The following ZNF385B variants were observed in gnomAD, a reference collection of about 807,000 sequenced individuals.
The protein encoded by ZNF385B is zinc finger protein 385B.
ZNF385B carries 23 observed loss-of-function variants against 39.2 expected under a neutral mutation model. The ratio of observed to expected loss-of-function variants is 0.59; its 90% CI spans 0.42 to 0.83. The LOEUF (loss-of-function observed/expected upper bound fraction) is 0.83, where lower values mean the gene tolerates loss of function less well. Among genes scored for constraint, ZNF385B ranks in the 40% least tolerant of loss-of-function variants. The pLI, the probability that ZNF385B is intolerant of heterozygous loss-of-function variation, is 0.00. For synonymous variants in ZNF385B, 205 were observed against 222.6 expected (o/e 0.92, Z 0.70); for missense variants, 552 against 598.9 (o/e 0.92, Z 0.82).
At chr2:179,452,875 T>C (rs936246732) in intron 6 of ZNF385B, among the ~76,000 whole-genome samples, 5 of 152,160 alleles carry the variant, frequency 3.3e-5, no homozygotes, top group Non-Finnish European at 7.3e-5. Flanking sequence ...CAACTCTGCT[T>C]TGTAGCAGGA....
chr2:179,511,465 G>T (rs373123391), intron 5 of ZNF385B, among the ~76,000 whole-genome samples: 2 of 152,266 alleles, frequency 1.3e-5, no homozygotes, highest in African/African-American at 4.8e-5. Flanking sequence ...ACCGAGGAGG[G>T]CATAACCTAA....
chr2:179,851,269 G>A lies in ZNF385B; in HGVS notation c.-155+9832C>T, dbSNP rs570423017. On this transcript the variant is annotated intron_variant, in intron 1 of 9. Coordinates refer to ENST00000410066, the MANE Select transcript of ZNF385B (RefSeq NM_152520.6). ...AGTTCAAGACCAGCCCGTGCAACGC[G>A]GCAAGACATCACCAGTACATTATTT... Among the ~76,000 whole-genome samples, 3 of 152,272 alleles carry A rather than the reference G, an allele frequency of 2.0e-5. No individual in the cohort carries two copies. In the South Asian group the frequency reaches 6.2e-4, roughly 32 times the overall value.
chr2:179,476,451 G>A (rs956322406), intron 6 of ZNF385B, among the ~76,000 whole-genome samples: 13 of 152,236 alleles, frequency 8.5e-5, no homozygotes, highest in Admixed American at 5.2e-4. Flanking sequence ...GGTTTTTAAT[G>A]TATCCTCAGT....
At chr2:179,824,134 A>G (rs1559227511) in intron 1 of ZNF385B, among the ~76,000 whole-genome samples, 1 of 152,150 alleles carries the variant, frequency 6.6e-6, no homozygotes, top group Non-Finnish European at 1.5e-5. Context: ...TTCCAGCAGG[A>G]AAGTCAGAGC....
At chr2:179,656,194 G>C (rs1222972518) in intron 3 of ZNF385B, among the ~76,000 whole-genome samples, 2 of 152,046 alleles carry the variant, frequency 1.3e-5, no homozygotes, top group African/African-American at 4.8e-5. Context: ...GATGTAAAAA[G>C]ATGCAACAAA....
At chr2:179,470,014 G>A (rs1213776997) in intron 6 of ZNF385B, among the ~76,000 whole-genome samples, 3 of 152,136 alleles carry the variant, frequency 2.0e-5, no homozygotes, top group Admixed American at 6.6e-5. Context: ...ACTGACAAGC[G>A]GCCGCCTGAA....
At chr2:179,827,450 T>C (rs889142920) in intron 1 of ZNF385B, among the ~76,000 whole-genome samples, 1 of 152,172 alleles carries the variant, frequency 6.6e-6, no homozygotes. Flanking sequence ...ACAACACAAA[T>C]ACCATTTTAA....
At chr2:179,815,199 G>A (rs1377580110) in intron 1 of ZNF385B, among the ~76,000 whole-genome samples, 1 of 152,188 alleles carries the variant, frequency 6.6e-6, no homozygotes, top group Non-Finnish European at 1.5e-5. Flanking sequence ...ATGTCACCAG[G>A]ATCCTGCAGA....
chr2:179,612,206 C>T (rs72957600), intron 3 of ZNF385B, among the ~76,000 whole-genome samples: 9,723 of 152,236 alleles, frequency 0.064, 407 homozygotes, highest in Non-Finnish European at 0.088. Flanking sequence ...CTCTATCTCT[C>T]CAGGATTGGT....
intron 5 of ZNF385B, among the ~76,000 whole-genome samples, chr2:179,503,340 G>C (rs574178832): frequency 6.6e-6 from 1 of 152,258 alleles, no homozygotes; most frequent in African/African-American, 2.4e-5. Flanking sequence ...ACCAATAAAA[G>C]TACAATTTGC....
At chr2:179,512,528 G>A (rs562380582) in intron 5 of ZNF385B, among the ~76,000 whole-genome samples, 5 of 152,206 alleles carry the variant, frequency 3.3e-5, no homozygotes, top group Admixed American at 6.5e-5. Flanking sequence ...TCATTTCCCC[G>A]GCAAAGCTTA....
intron 3 of ZNF385B, among the ~76,000 whole-genome samples, chr2:179,614,708 C>A (rs1689586988): frequency 6.6e-6 from 1 of 152,136 alleles, no homozygotes. Context: ...CAAAGGTCAA[C>A]CCTACTCTTA....
chr2:179,689,783 ATGTGTG>A (rs112957152), intron 3 of ZNF385B, among the ~76,000 whole-genome samples: 17,962 of 129,944 alleles, frequency 0.14, 1,173 homozygotes, highest in South Asian at 0.22. Context: ...GGGCAGGGGC[ATGTGTG>A]TGTGTGTGTG....
chr2:179,519,516 A>C (rs1266263510), intron 4 of ZNF385B, among the ~76,000 whole-genome samples: 1 of 152,188 alleles, frequency 6.6e-6, no homozygotes. Flanking sequence ...TATTCAGAGA[A>C]ATATACAGTG....
intron 3 of ZNF385B, among the ~76,000 whole-genome samples, chr2:179,734,820 T>G (rs929547691): frequency 1.3e-5 from 2 of 152,106 alleles, no homozygotes; most frequent in Non-Finnish European, 2.9e-5. Context: ...AGCCTGTTCC[T>G]TAGCCATATG....
chr2:179,776,604 T>G (rs1261062292), intron 1 of ZNF385B, among the ~76,000 whole-genome samples: 1 of 152,078 alleles, frequency 6.6e-6, no homozygotes, highest in Non-Finnish European at 1.5e-5. Context: ...AGTGGGGGAA[T>G]TGTGCAAGAG....
At chr2:179,473,908 C>A (rs1279111630) in intron 6 of ZNF385B, among the ~76,000 whole-genome samples, 2 of 152,084 alleles carry the variant, frequency 1.3e-5, no homozygotes, top group Non-Finnish European at 2.9e-5. Context: ...GTGGCACCCC[C>A]ACTTTACAGA....
chr2:179,486,278 A>G (rs574510760), intron 5 of ZNF385B, among the ~76,000 whole-genome samples: 13 of 152,210 alleles, frequency 8.5e-5, no homozygotes, highest in Non-Finnish European at 1.8e-4. Flanking sequence ...TGAAATAGGC[A>G]TTATTGGCCA....
intron 1 of ZNF385B, among the ~76,000 whole-genome samples, chr2:179,783,267 CTTGCTAGCCATA>C (rs531791211): frequency 6.6e-6 from 1 of 152,296 alleles, no homozygotes; most frequent in Admixed American, 6.5e-5. Flanking sequence ...GCTGCGATAA[CTTGCTAGCCATA>C]TGTAGAAGAT....
Sources: allele counts gnomAD v4.1 joint callset (sites outside exome capture counted in the v4.1 genomes callset), GRCh38; gene constraint gnomAD v4.1.1; transcripts MANE v1.5; gene names NCBI Gene and HGNC (gene_info 2026-07-23, HGNC 2026-07-21).